UVRAG: variants seen among roughly 807,000 people sequenced by gnomAD.
The protein encoded by UVRAG is UV radiation resistance-associated gene protein.
A neutral mutation model predicts 78.0 loss-of-function variants in UVRAG; 19 were observed. That is an observed-to-expected ratio of 0.24 (90% confidence interval 0.17 to 0.36). UVRAG has a LOEUF of 0.36. UVRAG is among the 10% of genes least tolerant of loss of function. UVRAG has a pLI of 1.00. For synonymous variants in UVRAG, 323 were observed against 324.6 expected, an observed-to-expected ratio of 1.00 and a Z score of 0.05; for missense variants, 740 against 853.8, an observed-to-expected ratio of 0.87 and a Z score of 1.66.
At chr11:76,048,767 G>A (rs1950810102) in intron 12 of UVRAG, among the ~76,000 whole-genome samples, 1 of 152,212 alleles carries the variant, frequency 6.6e-6, no homozygotes, top group Non-Finnish European at 1.5e-5. Context: ...TTTGAGCATT[G>A]ACATCCAGAA....
intron 3 of UVRAG, among the ~76,000 whole-genome samples, chr11:75,878,851 GAA>G (rs1451682773): frequency 7.3e-6 from 1 of 136,328 alleles, no homozygotes; most frequent in Non-Finnish European, 1.6e-5. Flanking sequence ...GGAGACCATG[GAA>G]AGAGAGAGAG....
chr11:76,063,017 C>T (rs1336846501), intron 12 of UVRAG, among the ~76,000 whole-genome samples: 3 of 152,132 alleles, frequency 2.0e-5, no homozygotes, highest in Non-Finnish European at 4.4e-5. Flanking sequence ...ATCGCATTAG[C>T]TTTTTTGGTA....
intron 1 of UVRAG, among the ~76,000 whole-genome samples, chr11:75,820,192 AG>A (rs1373579077): frequency 6.6e-6 from 1 of 151,932 alleles, no homozygotes; most frequent in Non-Finnish European, 1.5e-5. Context: ...TGCCCAGGCT[AG>A]TCTCAAACTC....
intron 12 of UVRAG, among the ~76,000 whole-genome samples, chr11:76,028,156 A>G (rs1950364196): frequency 6.6e-6 from 1 of 152,112 alleles, no homozygotes; most frequent in African/African-American, 2.4e-5. Context: ...GTGACCTATA[A>G]TCAATGATCT....
intron 2 of UVRAG, among the ~76,000 whole-genome samples, chr11:75,856,801 G>A (rs1412640337): frequency 6.6e-6 from 1 of 152,156 alleles, no homozygotes. Context: ...TCATACCCCT[G>A]TAATCCAGTT....
At chr11:76,016,762 G>T in intron 11 of UVRAG, 53 bp from the exon 12 acceptor site, 3 of 1,396,978 alleles carry the variant, frequency 2.1e-6, no homozygotes, top group Admixed American at 2.3e-5. Context: ...TTATCTTATG[G>T]TTATTTATAA....
In UVRAG at chr11:75,956,170, G is replaced by A. The variant is rs368491249; in HGVS notation, c.594-5274G>A. ...TCATTATATGAATATACCTCAATCT[G>A]TTGATTCTTCTATTTGATAGACATT... On this transcript the variant is annotated intron_variant, in intron 6 of 14. Transcript: ENST00000356136. Among the ~76,000 whole-genome samples, 103 of 152,098 alleles carry A rather than the reference G, an allele frequency of 6.8e-4. 1 individual carries two copies. Among genetic ancestry groups the A allele is most frequent in the African/African-American group, 2.4e-3 (101 of 41,492 alleles).
chr11:75,896,797 T>C (rs528566497), intron 5 of UVRAG, among the ~76,000 whole-genome samples: 1 of 152,342 alleles, frequency 6.6e-6, no homozygotes, highest in East Asian at 1.9e-4. Context: ...ACTTTTGGTA[T>C]TTATTTTTAT....
At chr11:76,115,790 G>C in intron 13 of UVRAG, 134 bp from the exon 14 acceptor site, 1 of 762,854 alleles carries the variant, frequency 1.3e-6, no homozygotes, top group Non-Finnish European at 2.1e-6. Context: ...GGAAAGTACT[G>C]TGAGGCTGAT....
chr11:75,819,946 C>T (rs772957245), intron 1 of UVRAG, among the ~76,000 whole-genome samples: 20 of 151,928 alleles, frequency 1.3e-4, no homozygotes, highest in Admixed American at 6.6e-4. Flanking sequence ...CCAACCTGGG[C>T]GACAAGAGCG....
At chr11:76,138,845 T>C (rs1952647026) in intron 14 of UVRAG, among the ~76,000 whole-genome samples, 1 of 152,228 alleles carries the variant, frequency 6.6e-6, no homozygotes, top group African/African-American at 2.4e-5. Context: ...CTCTTTTGGT[T>C]TGAGTACCTA....
intron 3 of UVRAG, 140 bp from the exon 4 acceptor site, chr11:75,879,739 C>T: frequency 9.3e-7 from 1 of 1,070,914 alleles, no homozygotes; most frequent in Non-Finnish European, 1.3e-6. Flanking sequence ...ATTGTAATGT[C>T]TTCTTGGCTT....
At chr11:76,036,720 CATG>C (rs1210377779) in intron 12 of UVRAG, among the ~76,000 whole-genome samples, 3 of 150,512 alleles carry the variant, frequency 2.0e-5, no homozygotes, top group Non-Finnish European at 4.4e-5. Context: ...ATATTCAAAA[CATG>C]GTGGCTGAGT....
chr11:76,100,915 C>G (rs1951869272), intron 13 of UVRAG, among the ~76,000 whole-genome samples: 1 of 152,114 alleles, frequency 6.6e-6, no homozygotes, highest in Non-Finnish European at 1.5e-5. Flanking sequence ...CAGCTCCATT[C>G]ATGTGCCTTC....
intron 14 of UVRAG, among the ~76,000 whole-genome samples, chr11:76,130,935 GT>G (rs113202978): frequency 0.046 from 6,468 of 142,004 alleles, 156 homozygotes; most frequent in African/African-American, 0.083. Context: ...GGGTTTTTTT[GT>G]TTTTTTTTTT....
At chr11:76,111,512 C>T (rs147916269) in intron 13 of UVRAG, among the ~76,000 whole-genome samples, 4 of 152,244 alleles carry the variant, frequency 2.6e-5, no homozygotes, top group East Asian at 1.9e-4. Context: ...AAGCTCTGAA[C>T]GTAAACTGCT....
rs1038226392 is a variant in UVRAG, at chr11:76,143,349, G to A, written c.*1936G>A. On this transcript the variant is annotated 3_prime_UTR_variant, in exon 15 of 15. Transcript: ENST00000356136. ...CCAGCCTGGCGCTGGCACCACCAAG[G>A]AGCAGGACTCCTCATGATTACAGTG... Among the ~76,000 whole-genome samples the A allele has an allele frequency of 6.6e-6, 1 of 152,176 alleles. No homozygotes were observed. The highest frequency in any genetic ancestry group is 1.5e-5 in the Non-Finnish European group (1 of 68,022).
At chr11:75,923,657 A>G (rs1361375473) in intron 6 of UVRAG, among the ~76,000 whole-genome samples, 3 of 152,156 alleles carry the variant, frequency 2.0e-5, no homozygotes, top group African/African-American at 7.2e-5. Context: ...GTTCAGGTGC[A>G]TTTTATAAGG....
At chr11:75,849,706 A>C (rs1946114633) in intron 1 of UVRAG, among the ~76,000 whole-genome samples, 1 of 152,342 alleles carries the variant, frequency 6.6e-6, no homozygotes, top group Non-Finnish European at 1.5e-5. Flanking sequence ...ACAATTAACT[A>C]TAATAAAGGC....
Sources: gnomAD v4.1 joint callset for allele counts (sites outside exome capture counted in the v4.1 genomes callset) on GRCh38, gnomAD v4.1.1 for gene constraint, MANE v1.5 for transcripts, NCBI Gene and HGNC (gene_info 2026-07-23, HGNC 2026-07-21) for gene names.